BBX: variants seen among roughly 807,000 people sequenced by gnomAD.
The protein encoded by BBX is BBX high mobility group box domain containing, also known as HMG box transcription factor BBX.
A neutral mutation model predicts 100.2 loss-of-function variants in BBX; 30 were observed. That is an observed-to-expected ratio of 0.30 (90% CI 0.22 to 0.41). The LOEUF (loss-of-function observed/expected upper bound fraction) is 0.41, where lower values mean the gene tolerates loss of function less well. Ranked by LOEUF, BBX falls within the 10% of genes least tolerant of loss-of-function variation. The probability of loss-of-function intolerance (pLI) is 1.00; values close to 1 mark genes in which losing one functional copy is unlikely to be tolerated. For missense variants in BBX, 1,023 were observed against 1,129.8 expected (o/e 0.91, Z 1.35); for synonymous variants, 376 against 388.1 (o/e 0.97, Z 0.37).
intron 15 of BBX, among the ~76,000 whole-genome samples, chr3:107,797,178 A>G (rs952418699): frequency 6.6e-5 from 10 of 151,652 alleles, no homozygotes; most frequent in African/African-American, 2.4e-4. Flanking sequence ...ATTAATTCAT[A>G]GCCTTCTTTC....
chr3:107,763,226 CTTTT>C (rs10708684), intron 10 of BBX, among the ~76,000 whole-genome samples: 3 of 137,584 alleles, frequency 2.2e-5, no homozygotes, highest in Admixed American at 7.3e-5. Context: ...GTGGTATTAC[CTTTT>C]TTTTTTTTTT....
chr3:107,606,787 T>C (rs2054477402), intron 2 of BBX, among the ~76,000 whole-genome samples: 1 of 152,238 alleles, frequency 6.6e-6, no homozygotes, highest in Non-Finnish European at 1.5e-5. Flanking sequence ...TTATCCTTTG[T>C]GTTACAAACA....
At chr3:107,670,315 G>A (rs1428782179) in intron 3 of BBX, among the ~76,000 whole-genome samples, 1 of 152,038 alleles carries the variant, frequency 6.6e-6, no homozygotes, top group Non-Finnish European at 1.5e-5. Flanking sequence ...ATTTGTTAAA[G>A]GATATAAAAT....
intron 4 of BBX, 93 bp from the exon 5 acceptor site, chr3:107,716,514 A>C (rs2062118573): frequency 2.0e-6 from 3 of 1,469,740 alleles, no homozygotes; most frequent in Non-Finnish European, 2.8e-6. Flanking sequence ...AATGGAGCTA[A>C]GAAAAAAATA....
At chr3:107,529,246 GCTTAA>G (rs1280116020) in intron 2 of BBX, among the ~76,000 whole-genome samples, 2 of 152,200 alleles carry the variant, frequency 1.3e-5, no homozygotes, top group Non-Finnish European at 2.9e-5. Context: ...TTAAGCAGGT[GCTTAA>G]CTTAAGAGGA....
intron 10 of BBX, among the ~76,000 whole-genome samples, chr3:107,764,075 C>T (rs2066153938): frequency 2.6e-5 from 4 of 152,170 alleles, no homozygotes; most frequent in Admixed American, 2.0e-4. Flanking sequence ...TCGCTGCAAC[C>T]TCTGCCTCCT....
chr3:107,730,493 CTT>C (rs370876456), intron 6 of BBX, among the ~76,000 whole-genome samples: 6 of 141,522 alleles, frequency 4.2e-5, no homozygotes, highest in Admixed American at 1.4e-4. Flanking sequence ...TTGTTGTTGG[CTT>C]TTTTTTTTTT....
chr3:107,629,857 A>G (rs2056438005), intron 2 of BBX, among the ~76,000 whole-genome samples: 2 of 152,118 alleles, frequency 1.3e-5, no homozygotes, highest in South Asian at 4.1e-4. Flanking sequence ...GCGTATTTTG[A>G]GACTTTCCTC....
chr3:107,806,849 G>T lies in BBX; in HGVS notation c.*1392G>T, dbSNP rs1559830444. 6.6e-6 allele frequency: 1 copy of T among 152,162 alleles called. No homozygotes were observed. Among genetic ancestry groups the T allele is most frequent in the Non-Finnish European group, 1.5e-5 (1 of 68,034 alleles). The allele number at this position is 152,162 out of a possible 1,614,324, so 9.4% of individuals were successfully genotyped here. On this transcript the variant is annotated 3_prime_UTR_variant, in exon 18 of 18. Transcript: ENST00000325805. ...TAGCACAAAGTATTTCCCCACTCTT[G>T]CGTCACAGCACAAACTACCAAATTT...
rs150833782 is a variant in BBX at position 107,551,509 on chromosome 3, A to G, written c.-84+25111A>G. Among the ~76,000 whole-genome samples, 903 of 152,370 alleles carry G rather than the reference A, an allele frequency of 5.9e-3. 11 individuals carry two copies. The highest frequency in any genetic ancestry group is 0.021 in the African/African-American group (861 of 41,582). The stretch of plus-strand genomic sequence containing the variant: ...AAACCGTATCAGCTTTTGCTTTCAC[A>G]TCTAGCATAAATGTATAAGACTGTA... On this transcript the variant is annotated intron_variant, in intron 2 of 17. Coordinates refer to ENST00000325805, the MANE Select transcript of BBX (RefSeq NM_001142568.3).
intron 15 of BBX, among the ~76,000 whole-genome samples, chr3:107,794,471 A>C (rs541239453): frequency 6.6e-6 from 1 of 152,232 alleles, no homozygotes; most frequent in Admixed American, 6.5e-5. Context: ...AGGACTAGGA[A>C]TCTCTGTTAA....
intron 5 of BBX, among the ~76,000 whole-genome samples, chr3:107,725,369 C>T (rs928804783): frequency 1.3e-5 from 2 of 152,142 alleles, no homozygotes; most frequent in Non-Finnish European, 2.9e-5. Flanking sequence ...GACAATTTGA[C>T]TTCCTCTTTT....
chr3:107,779,023 A>AGGTAGT (rs2067595273), intron 13 of BBX, among the ~76,000 whole-genome samples: 1 of 40,706 alleles, frequency 2.5e-5, no homozygotes, highest in Non-Finnish European at 5.6e-5. Flanking sequence ...ATATATATAC[A>AGGTAGT]CACACACACA....
chr3:107,790,515 G>C (rs905191455), intron 14 of BBX, among the ~76,000 whole-genome samples: 1 of 152,080 alleles, frequency 6.6e-6, no homozygotes, highest in Non-Finnish European at 1.5e-5. Flanking sequence ...ATCTTGATGG[G>C]CCTTTAAACC....
intron 13 of BBX, among the ~76,000 whole-genome samples, chr3:107,782,723 C>T (rs1228249828): frequency 1.3e-5 from 2 of 152,088 alleles, no homozygotes; most frequent in African/African-American, 2.4e-5. Context: ...GTTTTCTGCC[C>T]AGCTGTGAAG....
intron 3 of BBX, among the ~76,000 whole-genome samples, chr3:107,652,483 C>A (rs960487947): frequency 1.4e-5 from 2 of 147,718 alleles, no homozygotes; most frequent in Non-Finnish European, 3.0e-5. Context: ...TGATTTCAGT[C>A]TTCCCTAAAA....
chr3:107,798,573 A>C lies in BBX; in HGVS notation c.2404A>C (p.Asn802His). ...NTMEPVHKVK[N>H]IPSIFNTPEP... Reference sequence around the variant, plus strand: ...CATGGAGCCTGTTCATAAGGTTAAAAATATCCCATCCATTTTCAACACTCC... The same window carrying C: ...CATGGAGCCTGTTCATAAGGTTAAACATATCCCATCCATTTTCAACACTCC... Residue 802 changes from asparagine (N) to histidine (H), a missense_variant, in exon 16 of 18, where the codon AAT (asparagine) becomes CAT (histidine). Asn to His is a moderately conservative substitution (Grantham distance 68). Around this residue, in one of 9 missense-constraint regions of BBX, gnomAD observed 215 missense variants for 211.3 expected, o/e 1.02. Transcript: ENST00000325805. 2 of 1,614,118 alleles carry C rather than the reference A, an allele frequency of 1.2e-6. No individual in the cohort carries two copies. Among genetic ancestry groups the C allele is most frequent in the South Asian group, 1.1e-5 (1 of 91,086 alleles).
At chr3:107,804,195 C>CA (rs1177471894) in intron 17 of BBX, among the ~76,000 whole-genome samples, 1 of 152,118 alleles carries the variant, frequency 6.6e-6, no homozygotes, top group Non-Finnish European at 1.5e-5. Context: ...CTGAAACCCC[C>CA]AAATGTTGCA....
chr3:107,617,026 T>C (rs563085800), intron 2 of BBX, among the ~76,000 whole-genome samples: 1 of 152,330 alleles, frequency 6.6e-6, no homozygotes, highest in East Asian at 1.9e-4. Context: ...TAGTTTTGCA[T>C]TTTACATTTA....
Sources: allele counts gnomAD v4.1 joint callset (sites outside exome capture counted in the v4.1 genomes callset), GRCh38; gene constraint gnomAD v4.1.1; regional missense constraint gnomAD v4.1.1; transcripts MANE v1.5; gene names NCBI Gene and HGNC (gene_info 2026-07-23, HGNC 2026-07-21).